CSMD1: variants seen among roughly 807,000 people sequenced by gnomAD.
CSMD1 encodes CUB and sushi domain-containing protein 1.
Under a neutral mutation model 417.5 loss-of-function variants are expected in CSMD1, and 213 were observed. The observed-to-expected ratio is 0.51, with a 90% CI of 0.46 to 0.57. CSMD1 has a LOEUF of 0.57. CSMD1 is among the 20% of genes least tolerant of loss of function. CSMD1 has a pLI of 0.00. For synonymous variants in CSMD1, 2,862 were observed against 1,736.8 expected (o/e 1.65, Z -16.11); for missense variants, 6,923 against 4,529.7 (o/e 1.53, Z -15.17).
chr8:3,870,526 A>G (rs1051851801), intron 5 of CSMD1, among the ~76,000 whole-genome samples: 7 of 152,262 alleles, frequency 4.6e-5, no homozygotes, highest in African/African-American at 1.4e-4. Context: ...TTTGAGAGCT[A>G]TGGTCAAATT....
chr8:4,158,921 A>T (rs186161609), intron 3 of CSMD1, among the ~76,000 whole-genome samples: 1 of 152,074 alleles, frequency 6.6e-6, no homozygotes, highest in East Asian at 1.9e-4. Flanking sequence ...TTCTATAATT[A>T]TTATTTGTTT....
intron 69 of CSMD1, among the ~76,000 whole-genome samples, chr8:2,939,913 A>G (rs773927660): frequency 2.0e-5 from 3 of 152,210 alleles, no homozygotes; most frequent in Non-Finnish European, 4.4e-5. Flanking sequence ...AAGCTGCCAC[A>G]GTCCCTTCAT....
chr8:4,604,091 G>C (rs1800740275), intron 2 of CSMD1, among the ~76,000 whole-genome samples: 2 of 151,936 alleles, frequency 1.3e-5, no homozygotes, highest in Non-Finnish European at 2.9e-5. Flanking sequence ...ATCATAGACA[G>C]ATAAACAATT....
intron 5 of CSMD1, among the ~76,000 whole-genome samples, chr8:3,995,322 C>A (rs1160802293): frequency 6.6e-6 from 1 of 152,196 alleles, no homozygotes; most frequent in African/African-American, 2.4e-5. Flanking sequence ...GTCCTTGTGG[C>A]TGTGTTAAGA....
At chr8:4,587,721 T>C (rs1271393536) in intron 2 of CSMD1, among the ~76,000 whole-genome samples, 1 of 152,184 alleles carries the variant, frequency 6.6e-6, no homozygotes, top group African/African-American at 2.4e-5. Context: ...CTTATGACAC[T>C]CTTCATAAAG....
intron 23 of CSMD1, among the ~76,000 whole-genome samples, chr8:3,327,862 C>G (rs921911641): frequency 6.6e-6 from 1 of 152,122 alleles, no homozygotes; most frequent in Non-Finnish European, 1.5e-5. Context: ...TGCCCTGTGT[C>G]CTTCTGTTGG....
At chr8:4,558,888 T>A (rs967841239) in intron 2 of CSMD1, among the ~76,000 whole-genome samples, 12 of 150,812 alleles carry the variant, frequency 8.0e-5, no homozygotes, top group African/African-American at 2.9e-4. Context: ...AATAAATAAA[T>A]CAAATCAAAA....
intron 5 of CSMD1, among the ~76,000 whole-genome samples, chr8:3,768,974 C>A (rs1029246472): frequency 6.6e-6 from 1 of 152,228 alleles, no homozygotes; most frequent in Non-Finnish European, 1.5e-5. Context: ...CAGGAAAGGC[C>A]TGGCGGATTC....
intron 1 of CSMD1, among the ~76,000 whole-genome samples, chr8:4,767,408 A>C (rs192801248): frequency 6.6e-6 from 1 of 152,266 alleles, no homozygotes; most frequent in East Asian, 1.9e-4. Context: ...GTACCTGTGC[A>C]CTATCATTCT....
chr8:3,650,409 A>G (rs1797793095), intron 7 of CSMD1, among the ~76,000 whole-genome samples: 1 of 152,194 alleles, frequency 6.6e-6, no homozygotes. Flanking sequence ...CATGGCAAAA[A>G]GTCATACATA....
chr8:3,072,925 A>G (rs1052239378), intron 49 of CSMD1, among the ~76,000 whole-genome samples: 2 of 152,202 alleles, frequency 1.3e-5, no homozygotes, highest in African/African-American at 2.4e-5. Flanking sequence ...CAAGTGTCAG[A>G]TAATATTAAG....
chr8:3,926,079 CCATACACACACACACACACACACACA>C (rs1809666703), intron 5 of CSMD1, among the ~76,000 whole-genome samples: 5 of 81,374 alleles, frequency 6.1e-5, no homozygotes, highest in African/African-American at 1.1e-4. Flanking sequence ...CACACAAACA[CCATACACACACACACACACACACACA>C]CACACACACA....
chr8:3,277,213 T>G (rs1360232977), intron 26 of CSMD1, among the ~76,000 whole-genome samples: 4 of 152,034 alleles, frequency 2.6e-5, no homozygotes, highest in Non-Finnish European at 4.4e-5. Flanking sequence ...TTCAGAGGGT[T>G]TTGTGGCCTT....
intron 3 of CSMD1, among the ~76,000 whole-genome samples, chr8:4,081,319 G>A (rs961304024): frequency 2.0e-5 from 3 of 152,128 alleles, no homozygotes; most frequent in African/African-American, 4.8e-5. Flanking sequence ...CCCCTCCCAC[G>A]TTGAATAGGT....
chr8:3,519,935 G>A (rs1228687665), intron 10 of CSMD1, among the ~76,000 whole-genome samples: 2 of 150,912 alleles, frequency 1.3e-5, no homozygotes, highest in African/African-American at 2.5e-5. Context: ...TAAACTCAAC[G>A]CTAATATAAT....
intron 18 of CSMD1, among the ~76,000 whole-genome samples, chr8:3,383,513 G>T (rs1489325608): frequency 6.6e-6 from 1 of 151,992 alleles, no homozygotes; most frequent in Non-Finnish European, 1.5e-5. Context: ...CCTCATGCAT[G>T]GAGGGAAGCC....
chr8:4,502,542 T>G (rs1802311845), intron 2 of CSMD1, among the ~76,000 whole-genome samples: 1 of 152,168 alleles, frequency 6.6e-6, no homozygotes, highest in Non-Finnish European at 1.5e-5. Flanking sequence ...ACCCCATAAG[T>G]GCTCTACATT....
At chr8:3,836,993 T>G (rs981275373) in intron 5 of CSMD1, among the ~76,000 whole-genome samples, 1 of 152,072 alleles carries the variant, frequency 6.6e-6, no homozygotes, top group Non-Finnish European at 1.5e-5. Context: ...AGATCCTTAA[T>G]TAGCTACTTT....
At chr8:3,536,489 G>C (rs1052827695) in intron 10 of CSMD1, among the ~76,000 whole-genome samples, 1 of 152,194 alleles carries the variant, frequency 6.6e-6, no homozygotes, top group African/African-American at 2.4e-5. Flanking sequence ...GATTAATGGG[G>C]ATTATGTTTT....
Sources: gnomAD v4.1 joint callset for allele counts (sites outside exome capture counted in the v4.1 genomes callset) on GRCh38, gnomAD v4.1.1 for gene constraint, MANE v1.5 for transcripts, NCBI Gene and HGNC (gene_info 2026-07-23, HGNC 2026-07-21) for gene names.